TESPA1: variants seen among roughly 807,000 people sequenced by gnomAD.
TESPA1 encodes thymocyte expressed, positive selection associated 1, also known as protein TESPA1.
TESPA1 carries 33 observed loss-of-function variants against 57.9 expected under a neutral mutation model. The ratio of observed to expected loss-of-function variants is 0.57; its 90% CI spans 0.43 to 0.76. The LOEUF (loss-of-function observed/expected upper bound fraction) is 0.76, where lower values mean the gene tolerates loss of function less well. Among genes scored for constraint, TESPA1 ranks in the 30% least tolerant of loss-of-function variants. The pLI is 0.00. For synonymous variants in TESPA1, 227 were observed against 228.9 expected, an observed-to-expected ratio of 0.99 and a Z score of 0.07; for missense variants, 618 against 632.9, an observed-to-expected ratio of 0.98 and a Z score of 0.25.
chr12:54,959,598 T>C (rs1231076898), intron 10 of TESPA1, among the ~76,000 whole-genome samples: 3 of 152,360 alleles, frequency 2.0e-5, no homozygotes, highest in Middle Eastern at 3.4e-3. Context: ...CCGGGTTCTC[T>C]ACCGTGGTTC....
chr12:54,962,340 T>A, intron 9 of TESPA1, 91 bp downstream of exon 9: 1 of 1,411,426 alleles, frequency 7.1e-7, no homozygotes, highest in South Asian at 1.4e-5. Context: ...GCCTGGATTA[T>A]TTTTCCCCCA....
intron 3 of TESPA1, among the ~76,000 whole-genome samples, chr12:54,968,640 C>A (rs1382093172): frequency 6.6e-6 from 1 of 152,086 alleles, no homozygotes; most frequent in South Asian, 2.1e-4. Context: ...TCAAATATTA[C>A]GTAAGGGAAT....
At chr12:54,980,283 T>G (rs569802351) in intron 1 of TESPA1, among the ~76,000 whole-genome samples, 24 of 152,334 alleles carry the variant, frequency 1.6e-4, no homozygotes, top group African/African-American at 5.3e-4. Flanking sequence ...GCAGGAAGTG[T>G]TGCTTTGTTT....
intron 3 of TESPA1, among the ~76,000 whole-genome samples, chr12:54,973,082 C>T (rs541123984): frequency 6.6e-6 from 1 of 152,290 alleles, no homozygotes; most frequent in South Asian, 2.1e-4. Flanking sequence ...AAATAAATAA[C>T]ACAGATGAAT....
chr12:54,955,114 T>C (rs34772274), intron 10 of TESPA1, among the ~76,000 whole-genome samples: 31,201 of 152,150 alleles, frequency 0.21, 5,437 homozygotes, highest in East Asian at 0.84. Context: ...TTTTCACTAA[T>C]AGCCATCCTA....
intron 3 of TESPA1, among the ~76,000 whole-genome samples, chr12:54,971,415 G>C (rs560875607): frequency 1.3e-5 from 2 of 152,268 alleles, no homozygotes; most frequent in East Asian, 3.9e-4. Flanking sequence ...ATCAATCATT[G>C]TCATTATTGT....
chr12:54,980,116 T>A lies in TESPA1; in HGVS notation c.-46+4469A>T, dbSNP rs144868171. Among the ~76,000 whole-genome samples the A allele has an allele frequency of 3.9e-3, 595 of 152,212 alleles. 1 individual carries two copies. Among genetic ancestry groups the A allele is most frequent in the East Asian group, 0.027 (139 of 5,176 alleles). On this transcript the variant is annotated intron_variant, in intron 1 of 10. Coordinates refer to ENST00000449076, the MANE Select transcript of TESPA1 (RefSeq NM_001136030.3). ...ATTAGAATAAGAAAATGGCCCAATG[T>A]CACCATCCAATGTAATTTGGGATTA...
chr12:54,974,237 C>T (rs983881767), intron 2 of TESPA1, among the ~76,000 whole-genome samples, 163 bp downstream of exon 2: 2 of 152,178 alleles, frequency 1.3e-5, no homozygotes, highest in African/African-American at 4.8e-5. Flanking sequence ...ATTCATATTT[C>T]GTATTACTTT....
intron 10 of TESPA1, among the ~76,000 whole-genome samples, chr12:54,956,347 A>G (rs2136050659): frequency 6.6e-6 from 1 of 152,372 alleles, no homozygotes; most frequent in Admixed American, 6.5e-5. Context: ...CTTCACAAAG[A>G]GAATAAATAT....
chr12:54,975,847 G>A (rs972386379), intron 1 of TESPA1, among the ~76,000 whole-genome samples: 2 of 152,106 alleles, frequency 1.3e-5, no homozygotes, highest in African/African-American at 4.8e-5. Flanking sequence ...CATTCCTAGG[G>A]CAGTAAAATT....
chr12:54,966,554 A>G, intron 5 of TESPA1, 130 bp from the exon 6 acceptor site: 2 of 1,047,398 alleles, frequency 1.9e-6, no homozygotes, highest in Non-Finnish European at 2.8e-6. Flanking sequence ...GCTGGACCCC[A>G]TAAATTCTGC....
At chr12:54,977,456 CT>C (rs1356466702) in intron 1 of TESPA1, among the ~76,000 whole-genome samples, 1 of 152,156 alleles carries the variant, frequency 6.6e-6, no homozygotes, top group Non-Finnish European at 1.5e-5. Flanking sequence ...TGTTTTTATC[CT>C]AGAAGTTCCT....
At chr12:54,974,157 G>A (rs940727242) in intron 2 of TESPA1, among the ~76,000 whole-genome samples, 3 of 152,182 alleles carry the variant, frequency 2.0e-5, no homozygotes, top group Non-Finnish European at 4.4e-5. Context: ...TCTTACAGAA[G>A]CTTCTCAGGA....
At chr12:54,953,267 C>A (rs571595188) in intron 10 of TESPA1, among the ~76,000 whole-genome samples, 10 of 151,866 alleles carry the variant, frequency 6.6e-5, no homozygotes, top group Non-Finnish European at 1.3e-4. Context: ...TGTTTTATAA[C>A]TTCCTTTCTA....
intron 9 of TESPA1, among the ~76,000 whole-genome samples, 178 bp downstream of exon 9, chr12:54,962,253 C>T (rs981503703): frequency 6.6e-6 from 1 of 152,156 alleles, no homozygotes; most frequent in African/African-American, 2.4e-5. Context: ...CTTAGGAAAC[C>T]AGGCCTCTGT....
At position 54,974,493 on chromosome 12, in the gene TESPA1, A is replaced by G. The variant is rs757003053; in HGVS notation, c.70T>C (p.Trp24Arg). 1 of 1,603,924 alleles carries G rather than the reference A, an allele frequency of 6.2e-7. No individual in the cohort carries two copies. Among genetic ancestry groups the G allele is most frequent in the Admixed American group, 1.7e-5 (1 of 58,924 alleles). Residue 24 changes from tryptophan to arginine, a missense_variant, in exon 2 of 11, where the codon TGG becomes CGG. This residue lies in a region of TESPA1 where 199 missense variants were observed against 184.0 expected (regional missense o/e 1.08). Transcript: ENST00000449076. ...RRAWLRQSRNWQTQVLEEEAA... is the reference protein window; with the variant it reads ...RRAWLRQSRNRQTQVLEEEAA... ...TCCTCTTCTAGGACCTGGGTCTGCC[A>G]GTTACGGCTCTGACGGAGCCAGGCC...
chr12:54,967,344 T>G (rs765008263), intron 4 of TESPA1, 108 bp from the exon 5 acceptor site: 1 of 1,244,904 alleles, frequency 8.0e-7, no homozygotes, highest in Non-Finnish European at 1.1e-6. Context: ...TAGACTAGAC[T>G]TGCACAACCA....
intron 10 of TESPA1, among the ~76,000 whole-genome samples, chr12:54,956,485 C>T (rs1309837056): frequency 6.6e-6 from 1 of 152,098 alleles, no homozygotes; most frequent in African/African-American, 2.4e-5. Context: ...ACACAGGAAA[C>T]CAATAGAAAG....
At chr12:54,978,789 T>G (rs1592426736) in intron 1 of TESPA1, among the ~76,000 whole-genome samples, 1 of 152,208 alleles carries the variant, frequency 6.6e-6, no homozygotes, top group African/African-American at 2.4e-5. Context: ...AGGGCCTACT[T>G]AAGTCATCTC....
Sources: allele counts gnomAD v4.1 joint callset (sites outside exome capture counted in the v4.1 genomes callset), GRCh38; gene constraint gnomAD v4.1.1; regional missense constraint gnomAD v4.1.1; transcripts MANE v1.5; gene names NCBI Gene and HGNC (gene_info 2026-07-23, HGNC 2026-07-21).